Variants in OSBPL10 observed in about 807,000 individuals in gnomAD.
The protein encoded by OSBPL10 is oxysterol binding protein like 10, also known as oxysterol-binding protein-related protein 10.
OSBPL10 carries 49 observed loss-of-function variants against 81.7 expected under a neutral mutation model. The ratio of observed to expected loss-of-function variants is 0.60; its 90% CI spans 0.48 to 0.76. The LOEUF (loss-of-function observed/expected upper bound fraction) is 0.76, where lower values mean the gene tolerates loss of function less well. Among genes scored for constraint, OSBPL10 ranks in the 30% least tolerant of loss-of-function variants. The pLI, the probability that OSBPL10 is intolerant of heterozygous loss-of-function variation, is 0.00. For missense variants in OSBPL10, 923 were observed against 987.8 expected, an observed-to-expected ratio of 0.93 and a Z score of 0.88; for synonymous variants, 419 against 383.6, an observed-to-expected ratio of 1.09 and a Z score of -1.08.
chr3:31,800,134 T>C (rs961240062), intron 4 of OSBPL10, among the ~76,000 whole-genome samples: 3 of 152,246 alleles, frequency 2.0e-5, no homozygotes, highest in Non-Finnish European at 4.4e-5. Flanking sequence ...ACTTCTCACA[T>C]TAACTTGAAT....
chr3:31,883,540 T>C (rs7426939), intron 1 of OSBPL10, among the ~76,000 whole-genome samples: 1 of 94,830 alleles, frequency 1.1e-5, no homozygotes, highest in Non-Finnish European at 2.1e-5. Flanking sequence ...TTTTTTTTTG[T>C]TGTTTTTTTT....
At position 31,809,869 on chromosome 3, in the gene OSBPL10, C is replaced by CTTTTTTTTTTTTTTTTTT. The variant is rs34795137; in HGVS notation, c.729+20153_729+20170dup. Among the ~76,000 whole-genome samples the CTTTTTTTTTTTTTTTTTT allele has an allele frequency of 2.4e-3, 234 of 98,582 alleles. 30 individuals carry two copies. Among genetic ancestry groups the CTTTTTTTTTTTTTTTTTT allele is most frequent in the African/African-American group, 0.012 (219 of 18,394 alleles). 64.7% of individuals were successfully genotyped at this position (98,582 alleles called of 152,430 possible). A position where few individuals can be genotyped will look rare whatever the true frequency, so the allele number is the denominator to read the frequency against. ...AAATGTCAATGGGTGCCCCCTGACT[C>CTTTTTTTTTTTTTTTTTT]TTTTTTTTTTTTTTTTTTTGAGATG... On this transcript the variant is annotated intron_variant, in intron 4 of 11. Coordinates refer to ENST00000396556, the MANE Select transcript of OSBPL10 (RefSeq NM_017784.5).
intron 1 of OSBPL10, among the ~76,000 whole-genome samples, chr3:31,903,832 A>C (rs554013198): frequency 6.6e-6 from 1 of 152,304 alleles, no homozygotes; most frequent in African/African-American, 2.4e-5. Flanking sequence ...TCAACTTTGA[A>C]GCTTTTTGTT....
chr3:31,874,216 C>T (rs1183776415), intron 3 of OSBPL10, among the ~76,000 whole-genome samples: 1 of 151,646 alleles, frequency 6.6e-6, no homozygotes, highest in Non-Finnish European at 1.5e-5. Context: ...ACCTCAATTC[C>T]CACTCCCAAA....
chr3:31,762,179 AT>A (rs1402996297), intron 4 of OSBPL10, among the ~76,000 whole-genome samples: 2 of 152,216 alleles, frequency 1.3e-5, no homozygotes, highest in East Asian at 3.8e-4. Context: ...CAACAAGCTT[AT>A]CTAAAGCTCA....
rs118086310 is a variant in OSBPL10, at chr3:31,825,491, T to C, written c.729+4549A>G. Among the ~76,000 whole-genome samples the C allele has an allele frequency of 2.2e-4, 34 of 152,126 alleles. 1 individual carries two copies. In the East Asian group the frequency reaches 6.0e-3, roughly 27 times the overall value. On this transcript the variant is annotated intron_variant, in intron 4 of 11. Coordinates refer to ENST00000396556, the MANE Select transcript of OSBPL10 (RefSeq NM_017784.5). ...CATGAGCCACCACACTTAGCAAATC[T>C]GTAAATTTTTTGTTGAAATGGAGTC...
At chr3:31,833,086 A>T (rs1010335933) in intron 3 of OSBPL10, among the ~76,000 whole-genome samples, 2 of 152,254 alleles carry the variant, frequency 1.3e-5, no homozygotes, top group Non-Finnish European at 2.9e-5. Flanking sequence ...TTTCAGCTTC[A>T]ATCTTTTCAC....
intron 4 of OSBPL10, among the ~76,000 whole-genome samples, chr3:31,783,857 T>TATATGA (rs1698790227): frequency 1.1e-5 from 1 of 94,308 alleles, no homozygotes; most frequent in African/African-American, 3.9e-5. Context: ...TATATATATA[T>TATATGA]ATGAATGAAT....
At chr3:31,928,495 G>A (rs987249757) in intron 1 of OSBPL10, among the ~76,000 whole-genome samples, 3 of 150,132 alleles carry the variant, frequency 2.0e-5, no homozygotes, top group Non-Finnish European at 3.0e-5. Context: ...AAGAATGGCC[G>A]GGCGCAGAGC....
chr3:31,973,302 T>A (rs1698612833), intron 1 of OSBPL10, among the ~76,000 whole-genome samples: 1 of 152,106 alleles, frequency 6.6e-6, no homozygotes, highest in African/African-American at 2.4e-5. Flanking sequence ...CCTCATGTAA[T>A]GAGAGGCAGG....
chr3:32,014,529 C>T (rs1699294905), intron 2 of OSBPL10, among the ~76,000 whole-genome samples: 1 of 152,092 alleles, frequency 6.6e-6, no homozygotes, highest in Admixed American at 6.6e-5. Flanking sequence ...CCTTTGAAAA[C>T]TGGCACAAGA....
intron 4 of OSBPL10, among the ~76,000 whole-genome samples, chr3:31,754,294 G>C (rs184896951): frequency 4.6e-4 from 70 of 152,218 alleles, no homozygotes; most frequent in Middle Eastern, 3.4e-3. Flanking sequence ...GCCTGTTTTA[G>C]TGAGTGGAGA....
At chr3:32,005,798 G>T (rs965006922) in intron 2 of OSBPL10, among the ~76,000 whole-genome samples, 5 of 151,792 alleles carry the variant, frequency 3.3e-5, no homozygotes, top group African/African-American at 1.2e-4. Flanking sequence ...CGTGTTAGCC[G>T]CATGGTCTCA....
intron 1 of OSBPL10, among the ~76,000 whole-genome samples, chr3:31,954,625 G>C (rs1174353515): frequency 1.3e-5 from 2 of 152,236 alleles, no homozygotes; most frequent in South Asian, 4.1e-4. Context: ...GAGTGGGGAG[G>C]AGCAAGAGAC....
intron 6 of OSBPL10, among the ~76,000 whole-genome samples, chr3:31,724,216 T>C: frequency 6.6e-6 from 1 of 152,114 alleles, no homozygotes; most frequent in Non-Finnish European, 1.5e-5. Context: ...CATTCACCAG[T>C]TTCAAAGCGC....
chr3:31,971,126 TTTTTTC>T (rs1698551528), intron 1 of OSBPL10, among the ~76,000 whole-genome samples: 4 of 131,030 alleles, frequency 3.1e-5, no homozygotes, highest in African/African-American at 1.3e-4. Flanking sequence ...TTTTCTGTTT[TTTTTTC>T]TTTTTTCTTT....
At chr3:31,779,450 A>C (rs1698630513) in intron 4 of OSBPL10, among the ~76,000 whole-genome samples, 1 of 152,234 alleles carries the variant, frequency 6.6e-6, no homozygotes, top group African/African-American at 2.4e-5. Context: ...AAGCAACAAC[A>C]GTTAAAAAAG....
chr3:31,876,436 A>G lies in OSBPL10; in HGVS notation c.534T>C (p.Ser178=). The change falls in exon 3 of 12, where the codon TCT becomes TCC. Residue 178 remains serine (S), a synonymous_variant. Coordinates refer to ENST00000396556, the MANE Select transcript of OSBPL10 (RefSeq NM_017784.5). Reference sequence around the variant, plus strand: ...TTCCTTTCTCACGGTGACTTACCTTAGAATTCATTTCCATGTGGTATTTGG... The same window carrying G: ...TTCCTTTCTCACGGTGACTTACCTTGGAATTCATTTCCATGTGGTATTTGG... ...ACAKYHMEMN[S]KSAPSSRSRS... is the part of the protein sequence containing the mutation. The G allele has an allele frequency of 1.2e-6, 2 of 1,610,106 alleles. 1 individual carries two copies. The highest frequency in any genetic ancestry group is 1.7e-6 in the Non-Finnish European group (2 of 1,176,248).
intron 11 of OSBPL10, chr3:31,663,479 G>A: frequency 1.0e-6 from 1 of 991,494 alleles, no homozygotes; most frequent in Non-Finnish European, 1.2e-6. Context: ...GAGCATAAGG[G>A]CTTCAGCTGG....
Sources: allele counts gnomAD v4.1 joint callset (sites outside exome capture counted in the v4.1 genomes callset), GRCh38; gene constraint gnomAD v4.1.1; transcripts MANE v1.5; gene names NCBI Gene and HGNC (gene_info 2026-07-23, HGNC 2026-07-21).